Variants in ZSCAN30 observed in about 807,000 individuals in gnomAD.
The protein encoded by ZSCAN30 is zinc finger and SCAN domain containing 30.
A neutral mutation model predicts 44.3 loss-of-function variants in ZSCAN30; 37 were observed. That is an observed-to-expected ratio of 0.84 (90% CI 0.64 to 1.10). The LOEUF (loss-of-function observed/expected upper bound fraction) is 1.10, where lower values mean the gene tolerates loss of function less well. ZSCAN30 is among the 50% of genes least tolerant of loss of function. ZSCAN30 has a pLI of 0.00. For synonymous variants in ZSCAN30, 181 were observed against 204.6 expected (o/e 0.88, Z 0.98); for missense variants, 549 against 582.6 (o/e 0.94, Z 0.59).
At chr18:35,254,753 T>C (rs2043736162) in intron 3 of ZSCAN30, 1 of 321,032 alleles carries the variant, frequency 3.1e-6, no homozygotes, top group South Asian at 2.9e-5. Context: ...TTAAAAGGAA[T>C]GATCAGGATA....
chr18:35,289,543 A>G (rs773454763), intron 1 of ZSCAN30: 1 of 152,018 alleles, frequency 6.6e-6, no homozygotes, highest in African/African-American at 2.4e-5. Context: ...CTCAACAGAA[A>G]TGAGGTCCCA....
chr18:35,281,094 T>C (rs1031253564), intron 1 of ZSCAN30: 1 of 152,242 alleles, frequency 6.6e-6, no homozygotes, highest in African/African-American at 2.4e-5. Flanking sequence ...CTAGAGCGTA[T>C]GCCTAAGTTA....
rs1338293619 is a variant in ZSCAN30 at position 35,251,999 on chromosome 18, G to A, written c.*1451C>T. The A allele has an allele frequency of 2.0e-5, 3 of 152,150 alleles. No homozygotes were observed. Among genetic ancestry groups the A allele is most frequent in the Non-Finnish European group, 4.4e-5 (3 of 68,036 alleles). 9.4% of individuals were successfully genotyped at this position (152,150 alleles called of 1,614,324 possible). A position where few individuals can be genotyped will look rare whatever the true frequency, so the allele number is the denominator to read the frequency against. On this transcript the variant is annotated 3_prime_UTR_variant, in exon 4 of 4. Coordinates refer to ENST00000333206, the MANE Select transcript of ZSCAN30 (RefSeq NM_001112734.4). ...ATTAAAACTGCCAAAATAAAAATTA[G>A]CAGAGAGAGTTACAGGCAGAGGTTA... is the stretch of plus-strand genomic sequence containing the variant.
intron 3 of ZSCAN30, chr18:35,257,383 A>C (rs947055753): frequency 1.3e-5 from 2 of 152,884 alleles, no homozygotes; most frequent in African/African-American, 4.8e-5. Context: ...TCATATGTTG[A>C]AGTCCTAACC....
At chr18:35,255,444 C>T (rs2043771448) in intron 3 of ZSCAN30, among the ~76,000 whole-genome samples, 2 of 151,984 alleles carry the variant, frequency 1.3e-5, no homozygotes, top group Admixed American at 1.3e-4. Flanking sequence ...CTCAGAGAAG[C>T]TAAGTCTGGC....
In ZSCAN30 at chr18:35,263,275, A is replaced by G. The variant is rs1220711217; in HGVS notation, c.553+238T>C. The stretch of plus-strand genomic sequence containing the variant: ...AAAAAAAGAAAAAAGAAAAAGAAAA[A>G]AAATAATTATGGGTATTAGAGAATT... On this transcript the variant is annotated intron_variant, in intron 3 of 3. Transcript: ENST00000333206. The G allele has an allele frequency of 4.5e-5, 22 of 490,518 alleles. No individual in the cohort carries two copies. In the East Asian group the frequency reaches 6.5e-4, roughly 14 times the overall value. 30.4% of individuals were successfully genotyped at this position (490,518 alleles called of 1,614,324 possible).
At chr18:35,287,763 A>G (rs561095972) in intron 1 of ZSCAN30, among the ~76,000 whole-genome samples, 96 of 152,276 alleles carry the variant, frequency 6.3e-4, no homozygotes, top group African/African-American at 2.1e-3. Context: ...TAAAAGAGCC[A>G]ATTGATAAAC....
intron 1 of ZSCAN30, among the ~76,000 whole-genome samples, chr18:35,270,937 T>C (rs983618534): frequency 6.6e-6 from 1 of 152,212 alleles, no homozygotes; most frequent in African/African-American, 2.4e-5. Context: ...AACTTTGCAG[T>C]GAGTGTTAAC....
intron 3 of ZSCAN30, chr18:35,261,865 G>A (rs774070981): frequency 6.6e-6 from 1 of 152,152 alleles, no homozygotes; most frequent in African/African-American, 2.4e-5. Context: ...TCCTTGAGAT[G>A]AATTTTCAAA....
In ZSCAN30 at chr18:35,252,239, A is replaced by C. The variant is rs1235101328; in HGVS notation, c.*1211T>G. On this transcript the variant is annotated 3_prime_UTR_variant, in exon 4 of 4. Transcript: ENST00000333206. ...AAGTACTCAGAATTAGTGTGGTGAG[A>C]GACTGGTGCATTTTATGGGAAAAGG... 6.6e-6 allele frequency: 1 copy of C among 152,144 alleles called. No individual in the cohort carries two copies. The highest frequency in any genetic ancestry group is 6.5e-5 in the Admixed American group (1 of 15,272). The allele number at this position is 152,144 out of a possible 1,614,324, so 9.4% of individuals were successfully genotyped here.
intron 1 of ZSCAN30, chr18:35,267,558 G>C (rs981037866): frequency 7.9e-5 from 12 of 152,146 alleles, no homozygotes; most frequent in Admixed American, 7.8e-4. Context: ...AAGTGGGAGA[G>C]TGCCCCTCTA....
At chr18:35,265,896 G>C (rs1439863926) in intron 1 of ZSCAN30, among the ~76,000 whole-genome samples, 1 of 152,074 alleles carries the variant, frequency 6.6e-6, no homozygotes, top group South Asian at 2.1e-4. Flanking sequence ...GAAAGGGATG[G>C]GAAGAGCCAG....
chr18:35,271,917 G>C (rs952997158), intron 1 of ZSCAN30, among the ~76,000 whole-genome samples: 5 of 152,194 alleles, frequency 3.3e-5, no homozygotes, highest in Admixed American at 2.6e-4. Flanking sequence ...GCCTGGGGCC[G>C]GCGGCGCTGG....
chr18:35,264,169 G>C lies in ZSCAN30; in HGVS notation c.184C>G (p.Pro62Ala), dbSNP rs2044097023. The C allele has an allele frequency of 6.8e-6, 11 of 1,614,218 alleles. No homozygotes were observed. Among genetic ancestry groups the C allele is most frequent in the Non-Finnish European group, 9.3e-6 (11 of 1,180,046 alleles). The change falls in exon 2 of 4, where the codon CCT becomes GCT. Residue 62 changes from proline to alanine, a missense_variant. Physicochemically the swap from Pro to Ala is conservative, Grantham distance 27 (BLOSUM62 -1). Coordinates refer to ENST00000333206, the MANE Select transcript of ZSCAN30 (RefSeq NM_001112734.4). ...RQFSYSDSTGPREALSRLREL... is the reference protein window; with the variant it reads ...RQFSYSDSTGAREALSRLREL... ...CGCAGCCGGCTCAGAGCCTCCCGAG[G>C]GCCAGTGGAGTCAGAGTAACTAAAC...
intron 1 of ZSCAN30, among the ~76,000 whole-genome samples, chr18:35,274,323 C>T (rs903319692): frequency 6.6e-6 from 1 of 152,000 alleles, no homozygotes; most frequent in African/African-American, 2.4e-5. Flanking sequence ...AGGCATGAGC[C>T]ACCGTGCCCG....
At chr18:35,274,346 CCTCTT>C (rs1470727611) in intron 1 of ZSCAN30, among the ~76,000 whole-genome samples, 1 of 152,142 alleles carries the variant, frequency 6.6e-6, no homozygotes, top group African/African-American at 2.4e-5. Flanking sequence ...CGAAGGTACT[CCTCTT>C]CTAGAGAGAA....
At chr18:35,287,606 C>CCTAAATCT in intron 1 of ZSCAN30, among the ~76,000 whole-genome samples, 1 of 149,214 alleles carries the variant, frequency 6.7e-6, no homozygotes, top group South Asian at 2.1e-4. Flanking sequence ...TTAACTTTAC[C>CCTAAATCT]CTAAATCTCA....
At chr18:35,255,158 C>T (rs1356995317) in intron 3 of ZSCAN30, among the ~76,000 whole-genome samples, 1 of 151,424 alleles carries the variant, frequency 6.6e-6, no homozygotes, top group East Asian at 2.0e-4. Flanking sequence ...AAAAACATGA[C>T]TGCCCAGAGC....
chr18:35,255,930 C>T (rs2043793877), intron 3 of ZSCAN30: 1 of 152,726 alleles, frequency 6.5e-6, no homozygotes, highest in South Asian at 2.1e-4. Context: ...GTCAGAGACC[C>T]AACAACCTAA....
Sources: allele counts gnomAD v4.1 joint callset (sites outside exome capture counted in the v4.1 genomes callset), GRCh38; gene constraint gnomAD v4.1.1; transcripts MANE v1.5; gene names NCBI Gene and HGNC (gene_info 2026-07-23, HGNC 2026-07-21).